Variants in PCDHA13 observed in about 807,000 individuals in gnomAD.
PCDHA13 encodes the protein protocadherin alpha-13.
PCDHA13 carries 54 observed loss-of-function variants against 64.8 expected under a neutral mutation model. The ratio of observed to expected loss-of-function variants is 0.83; its 90% CI spans 0.67 to 1.04. PCDHA13 has a LOEUF of 1.04. PCDHA13 is among the 50% of genes least tolerant of loss of function. The pLI, the probability that PCDHA13 is intolerant of heterozygous loss-of-function variation, is 0.00. For synonymous variants in PCDHA13, 587 were observed against 564.4 expected, an observed-to-expected ratio of 1.04 and a Z score of -0.57; for missense variants, 1,248 against 1,254.3, an observed-to-expected ratio of 0.99 and a Z score of 0.08.
rs1554175954 is a variant in PCDHA13, at chr5:140,882,882, T to C, written c.614T>C (p.Ile205Thr). 1.2e-6 allele frequency: 2 copies of C among 1,614,206 alleles called. No individual in the cohort carries two copies. Among genetic ancestry groups the C allele is most frequent in the Non-Finnish European group, 1.7e-6 (2 of 1,180,044 alleles). ...AGGAAAACACTGGACAGAGAGGAAATTCAGGAACATAGTTTATTACTGACA... is the reference window on the plus strand; with the variant it reads ...AGGAAAACACTGGACAGAGAGGAAACTCAGGAACATAGTTTATTACTGACA... ...VLRKTLDREE[I>T]QEHSLLLTAS... The change falls in exon 1 of 4, where the codon ATT becomes ACT. Residue 205 changes from isoleucine (I) to threonine (T), a missense_variant. Transcript: ENST00000289272.
chr5:140,936,303 T>C (rs1223461427), intron 1 of PCDHA13, among the ~76,000 whole-genome samples: 3 of 152,236 alleles, frequency 2.0e-5, no homozygotes, highest in South Asian at 2.1e-4. Flanking sequence ...TGCTATCCAA[T>C]AGAACTTTCT....
chr5:140,891,241 G>A (rs2153433469), intron 1 of PCDHA13, among the ~76,000 whole-genome samples: 1 of 152,200 alleles, frequency 6.6e-6, no homozygotes, highest in Middle Eastern at 3.4e-3. Flanking sequence ...TCTGGATTCA[G>A]TAGGATTTTT....
chr5:140,981,791 C>G (rs564396430), intron 2 of PCDHA13, among the ~76,000 whole-genome samples: 2 of 152,000 alleles, frequency 1.3e-5, no homozygotes, highest in Non-Finnish European at 2.9e-5. Flanking sequence ...GTTCTCTTTT[C>G]CCTTGAACAG....
chr5:140,971,161 C>T (rs189213416), intron 1 of PCDHA13, among the ~76,000 whole-genome samples: 1 of 152,292 alleles, frequency 6.6e-6, no homozygotes, highest in Non-Finnish European at 1.5e-5. Flanking sequence ...CCAGGCTCAG[C>T]TTTGCCACCA....
Position 140,882,331 on chromosome 5 carries a change from C to T in PCDHA13, c.63C>T (p.Leu21=). 1.9e-6 allele frequency: 3 copies of T among 1,614,214 alleles called. No homozygotes were observed. The highest frequency in any genetic ancestry group is 2.2e-5 in the South Asian group (2 of 91,076). ...PRQLLLWLLI[L]AAWETGSGQL... The stretch of plus-strand genomic sequence containing the variant: ...AACTACTGCTCTGGCTTCTGATCCT[C>T]GCAGCCTGGGAGACGGGTAGTGGCC... Residue 21 remains leucine (L), a synonymous_variant, in exon 1 of 4, where the codon CTC becomes CTT. Coordinates refer to ENST00000289272, the MANE Select transcript of PCDHA13 (RefSeq NM_018904.3).
At chr5:140,938,618 C>A (rs925273700) in intron 1 of PCDHA13, among the ~76,000 whole-genome samples, 1 of 152,138 alleles carries the variant, frequency 6.6e-6, no homozygotes, top group East Asian at 1.9e-4. Flanking sequence ...TTGGAATAAA[C>A]TCAGGTTGCT....
intron 1 of PCDHA13, among the ~76,000 whole-genome samples, chr5:140,935,722 G>A (rs1230672751): frequency 6.6e-6 from 1 of 152,006 alleles, no homozygotes; most frequent in Non-Finnish European, 1.5e-5. Context: ...TATATTTAGA[G>A]AAGTCTAGTA....
chr5:140,995,180 A>C (rs1014057978), intron 3 of PCDHA13, among the ~76,000 whole-genome samples: 4 of 152,190 alleles, frequency 2.6e-5, no homozygotes, highest in African/African-American at 9.7e-5. Context: ...AGGTGCACCT[A>C]TGATAAAGTT....
At chr5:140,904,858 CTGTT>C (rs1335177457) in intron 1 of PCDHA13, among the ~76,000 whole-genome samples, 1 of 152,072 alleles carries the variant, frequency 6.6e-6, no homozygotes, top group Non-Finnish European at 1.5e-5. Context: ...TGAGAATTGT[CTGTT>C]TATGTCCTTA....
chr5:140,929,020 A>C (rs1183262810), intron 1 of PCDHA13: 6 of 1,614,070 alleles, frequency 3.7e-6, no homozygotes, highest in Non-Finnish European at 5.1e-6. Flanking sequence ...GTTGCACCAG[A>C]GCCCAGGCTG....
chr5:140,978,526 A>G (rs1197468187), intron 1 of PCDHA13, among the ~76,000 whole-genome samples: 5 of 152,248 alleles, frequency 3.3e-5, no homozygotes, highest in Admixed American at 2.0e-4. Flanking sequence ...CAGCCAGGCC[A>G]GCAGAACTTG....
intron 1 of PCDHA13, chr5:140,967,164 C>G (rs762120187): frequency 8.7e-6 from 14 of 1,611,226 alleles, no homozygotes; most frequent in Non-Finnish European, 1.2e-5. Flanking sequence ...GCGGTGAGCG[C>G]CGTTGAGGTG....
chr5:140,966,690 G>T, intron 1 of PCDHA13: 1 of 1,349,568 alleles, frequency 7.4e-7, no homozygotes, highest in Non-Finnish European at 9.5e-7. Context: ...AGCGGAGGCG[G>T]GGCCCGGGCG....
Position 140,883,309 on chromosome 5 carries a change from C to T in PCDHA13, c.1041C>T (p.Ala347=), listed in dbSNP as rs782264263. The T allele has an allele frequency of 4.3e-6, 7 of 1,613,930 alleles. No individual in the cohort carries two copies. In the Admixed American group the frequency reaches 1.2e-4, roughly 27 times the overall value. ...AAGTACTAGATGTAAATGATAACGCCCCAGAGGTTACCATCACTTCTTTGT... is the reference window on the plus strand; with the variant it reads ...AAGTACTAGATGTAAATGATAACGCTCCAGAGGTTACCATCACTTCTTTGT... ...LVEVLDVNDN[A]PEVTITSLSL... Residue 347 remains alanine, a synonymous_variant, in exon 1 of 4, where the codon GCC becomes GCT. Transcript: ENST00000289272.
chr5:140,911,343 C>G (rs1223805451), intron 1 of PCDHA13, among the ~76,000 whole-genome samples: 1 of 152,136 alleles, frequency 6.6e-6, no homozygotes, highest in African/African-American at 2.4e-5. Flanking sequence ...CAATCAATGC[C>G]CTCATTTCAA....
chr5:140,892,489 G>A (rs1554185225), intron 1 of PCDHA13, among the ~76,000 whole-genome samples: 1 of 152,180 alleles, frequency 6.6e-6, no homozygotes, highest in Non-Finnish European at 1.5e-5. Context: ...CCAAACATGA[G>A]AGATTGTTTA....
intron 1 of PCDHA13, chr5:140,967,846 C>A: frequency 6.2e-7 from 1 of 1,614,166 alleles, no homozygotes; most frequent in Non-Finnish European, 8.5e-7. Context: ...ACGTGAATGA[C>A]AATGCCCCAG....
At chr5:141,005,650 C>T (rs1262025643) in intron 3 of PCDHA13, among the ~76,000 whole-genome samples, 4 of 126,784 alleles carry the variant, frequency 3.2e-5, no homozygotes, top group African/African-American at 9.3e-5. Context: ...TGCAGTGAGT[C>T]GAGATCGCGC....
At chr5:140,938,684 A>T (rs1554212293) in intron 1 of PCDHA13, among the ~76,000 whole-genome samples, 1 of 152,046 alleles carries the variant, frequency 6.6e-6, no homozygotes, top group African/African-American at 2.4e-5. Flanking sequence ...CATTTTCTTT[A>T]CAGTTTTTAA....
Sources: allele counts gnomAD v4.1 joint callset (sites outside exome capture counted in the v4.1 genomes callset), GRCh38; gene constraint gnomAD v4.1.1; transcripts MANE v1.5; gene names NCBI Gene and HGNC (gene_info 2026-07-23, HGNC 2026-07-21).